The following GPR157 variants were observed in gnomAD, a reference collection of about 807,000 sequenced individuals.
GPR157 encodes G protein-coupled receptor 157, also known as G-protein coupled receptor 157.
GPR157 carries 16 observed loss-of-function variants against 23.5 expected under a neutral mutation model. The ratio of observed to expected loss-of-function variants is 0.68; its 90% CI spans 0.46 to 1.04. The LOEUF is 1.04. Ranked by LOEUF, GPR157 falls within the 50% of genes least tolerant of loss-of-function variation. The probability of loss-of-function intolerance (pLI) is 0.00; values close to 1 mark genes in which losing one functional copy is unlikely to be tolerated. For missense variants in GPR157, 440 were observed against 460.7 expected, an observed-to-expected ratio of 0.96 and a Z score of 0.41; for synonymous variants, 200 against 221.5, an observed-to-expected ratio of 0.90 and a Z score of 0.86.
chr1:9,126,916 T>C (rs1638974083), intron 1 of GPR157, among the ~76,000 whole-genome samples: 1 of 151,120 alleles, frequency 6.6e-6, no homozygotes, highest in East Asian at 1.9e-4. Context: ...ATTTTTTTCT[T>C]TTTTTTTTGA....
At position 9,102,691 on chromosome 1, in the gene GPR157, G is replaced by A. The variant is rs1642581148; in HGVS notation, c.*1728C>T. 6.6e-6 allele frequency: 1 copy of A among 152,122 alleles called. No individual in the cohort carries two copies. 9.4% of individuals were successfully genotyped at this position (152,122 alleles called of 1,614,324 possible). On this transcript the variant is annotated 3_prime_UTR_variant, in exon 4 of 4. Transcript: ENST00000377411. The stretch of plus-strand genomic sequence containing the variant: ...TACTTTCTCTCACCAAGACCCTGGA[G>A]GTAGCATTTCCACTTCCATTCTTTG...
Position 9,104,615 on chromosome 1 carries a change from T to C in GPR157, c.812A>G (p.Gln271Arg). ...GAACATGATGCAGTTGGCACCTCCC[T>C]GAAACGTGTTCCCGATACCCTGTCG... is the stretch of plus-strand genomic sequence containing the variant. ...VVLHGIGNTF[Q>R]GGANCIMFVL... Residue 271 changes from glutamine (Q) to arginine (R), a missense_variant, in exon 4 of 4, where the codon CAG becomes CGG. Transcript: ENST00000377411. The C allele has an allele frequency of 6.2e-7, 1 of 1,607,572 alleles. No individual in the cohort carries two copies.
At position 9,118,512 on chromosome 1, in the gene GPR157, G is replaced by T. The variant is rs1638732943; in HGVS notation, c.384-7023C>A. Among the ~76,000 whole-genome samples, 1 of 152,162 alleles carries T rather than the reference G, an allele frequency of 6.6e-6. No individual in the cohort carries two copies. The highest frequency in any genetic ancestry group is 2.1e-4 in the South Asian group (1 of 4,822). ...TTCTCCCAGAGGTACCTGGGCCCCA[G>T]TTCCAACTTGTATTTGCCTAGAAAT... On this transcript the variant is annotated intron_variant, in intron 1 of 3. Coordinates refer to ENST00000377411, the MANE Select transcript of GPR157 (RefSeq NM_024980.5). The surrounding 1 kb of genome is among the most constrained non-coding windows in gnomAD (Gnocchi z 4.6).
chr1:9,107,960 C>T (rs1489848421), intron 2 of GPR157, among the ~76,000 whole-genome samples: 4 of 151,992 alleles, frequency 2.6e-5, no homozygotes, highest in Non-Finnish European at 5.9e-5. Context: ...GGTGTGGTGG[C>T]ACACACCTGT....
chr1:9,110,453 G>T (rs1638459423), intron 2 of GPR157, among the ~76,000 whole-genome samples: 1 of 152,220 alleles, frequency 6.6e-6, no homozygotes, highest in African/African-American at 2.4e-5. Flanking sequence ...AACCTGGGAG[G>T]CAGAGGTTGC....
At chr1:9,110,249 G>A (rs996432506) in intron 2 of GPR157, among the ~76,000 whole-genome samples, 4 of 152,220 alleles carry the variant, frequency 2.6e-5, no homozygotes, top group Admixed American at 6.5e-5. Context: ...GAGGCCGGGC[G>A]CGGTGGCTCA....
chr1:9,109,376 C>G (rs879568385), intron 2 of GPR157, among the ~76,000 whole-genome samples: 1 of 151,830 alleles, frequency 6.6e-6, no homozygotes, highest in Non-Finnish European at 1.5e-5. Context: ...AGTCACCATG[C>G]CCAGCCTTAA....
At chr1:9,114,100 A>C (rs982979761) in intron 1 of GPR157, among the ~76,000 whole-genome samples, 1 of 150,690 alleles carries the variant, frequency 6.6e-6, no homozygotes, top group East Asian at 2.0e-4. Flanking sequence ...AGGCCAAGAC[A>C]GGTGGACCAC....
Position 9,123,229 on chromosome 1 carries a change from TTTAAATATATA to T in GPR157, c.383+5405_383+5415del, listed in dbSNP as rs1228329645. Among the ~76,000 whole-genome samples, 150 of 117,706 alleles carry T rather than the reference TTTAAATATATA, an allele frequency of 1.3e-3. 1 individual carries two copies. The highest frequency in any genetic ancestry group is 2.1e-3 in the Non-Finnish European group (125 of 60,338). 77.2% of individuals were successfully genotyped at this position (117,706 alleles called of 152,430 possible). A position where few individuals can be genotyped will look rare whatever the true frequency, so the allele number is the denominator to read the frequency against. ...ATATATATATTTATTAAAATATATA[TTTAAATATATA>T]TTAATTTAAATATATATTTAAATAT... On this transcript the variant is annotated intron_variant, in intron 1 of 3. Coordinates refer to ENST00000377411, the MANE Select transcript of GPR157 (RefSeq NM_024980.5).
chr1:9,105,664 T>C lies in GPR157; in HGVS notation c.614A>G (p.Glu205Gly), dbSNP rs1638293990. ...HINRAHTALS[E>G]YRPILSQEHR... Reference sequence around the variant, plus strand: ...CTCCTGGGAGAGGATGGGCCGGTACTCAGAGAGTGCCGTGTGCTGTGTGGG... The same window carrying C: ...CTCCTGGGAGAGGATGGGCCGGTACCCAGAGAGTGCCGTGTGCTGTGTGGG... The change falls in exon 3 of 4, where the codon GAG becomes GGG. Residue 205 changes from glutamate to glycine, a missense_variant. Glu to Gly is a moderately conservative substitution (Grantham distance 98). Coordinates refer to ENST00000377411, the MANE Select transcript of GPR157 (RefSeq NM_024980.5). This position sits in a 1 kb window ranked among gnomAD's most constrained non-coding sequence, Gnocchi z 4.8. The C allele has an allele frequency of 6.2e-7, 1 of 1,610,764 alleles. No homozygotes were observed. Among genetic ancestry groups the C allele is most frequent in the Non-Finnish European group, 8.5e-7 (1 of 1,178,502 alleles).
chr1:9,105,342 G>T lies in GPR157; in HGVS notation c.792+144C>A. ...TCAAGGTCCTGTCTCAGGCAGAGAG[G>T]AAGGCACAGCACAGTGGGGCCGAGC... is the stretch of plus-strand genomic sequence containing the variant. On this transcript the variant is annotated intron_variant, in intron 3 of 3. Coordinates refer to ENST00000377411, the MANE Select transcript of GPR157 (RefSeq NM_024980.5). This position sits in a 1 kb window ranked among gnomAD's most constrained non-coding sequence, Gnocchi z 4.8. The T allele has an allele frequency of 1.4e-6, 1 of 692,762 alleles. No homozygotes were observed. Among genetic ancestry groups the T allele is most frequent in the Non-Finnish European group, 2.4e-6 (1 of 422,060 alleles). The allele number at this position is 692,762 out of a possible 1,614,324, so 42.9% of individuals were successfully genotyped here.
chr1:9,116,152 A>ATATATATATATAATTATATATATTATAT (rs1638630055), intron 1 of GPR157, among the ~76,000 whole-genome samples: 1 of 40,148 alleles, frequency 2.5e-5, no homozygotes, highest in African/African-American at 1.0e-4. Context: ...ATATTATATT[A>ATATATATATATAATTATATATATTATAT]TATATATATA....
intron 2 of GPR157, among the ~76,000 whole-genome samples, chr1:9,107,966 C>T (rs1638381805): frequency 6.6e-6 from 1 of 152,020 alleles, no homozygotes; most frequent in South Asian, 2.1e-4. Context: ...GTGGCACACA[C>T]CTGTAGTCCC....
At chr1:9,112,787 A>T (rs936385698) in intron 1 of GPR157, among the ~76,000 whole-genome samples, 1 of 152,154 alleles carries the variant, frequency 6.6e-6, no homozygotes, top group African/African-American at 2.4e-5. Flanking sequence ...TCCCACAGCC[A>T]GCCACACAGC....
rs994109553 is a variant in GPR157 at position 9,118,209 on chromosome 1, G to A, written c.384-6720C>T. ...GGTGGTGGAGAAGTGGTTAGATGCC[G>A]GAGGAATGGGCGGGGTCCTGCCCAG... On this transcript the variant is annotated intron_variant, in intron 1 of 3. Coordinates refer to ENST00000377411, the MANE Select transcript of GPR157 (RefSeq NM_024980.5). The surrounding 1 kb of genome is among the most constrained non-coding windows in gnomAD (Gnocchi z 4.6). 6.6e-6 allele frequency among the ~76,000 whole-genome samples: 1 copy of A among 152,200 alleles called. No homozygotes were observed. The highest frequency in any genetic ancestry group is 1.5e-5 in the Non-Finnish European group (1 of 68,034).
rs141210167 is a variant in GPR157, at chr1:9,121,263, T to A, written c.383+7382A>T. ...AGGAGAATCGCTTGAACCTGGGAGA[T>A]AGAGGCTGTACTGAGTAGAGATCAC... On this transcript the variant is annotated intron_variant, in intron 1 of 3. Transcript: ENST00000377411. Among the ~76,000 whole-genome samples, 230 of 151,106 alleles carry A rather than the reference T, an allele frequency of 1.5e-3. 4 individuals are homozygous for A. In the East Asian group the frequency reaches 0.039, roughly 25 times the overall value.
intron 2 of GPR157, among the ~76,000 whole-genome samples, chr1:9,110,965 C>T: frequency 6.6e-6 from 1 of 152,202 alleles, no homozygotes; most frequent in East Asian, 1.9e-4. Flanking sequence ...TGACCAAGGA[C>T]ACAGCAGCCC....
chr1:9,116,348 AATTATATATAAATTATATATATATATATT>A (rs1638676148), intron 1 of GPR157, among the ~76,000 whole-genome samples: 1 of 20,460 alleles, frequency 4.9e-5, no homozygotes, highest in African/African-American at 3.8e-4. Context: ...ATTTATATAT[AATTATATATAAATTATATATATATATATT>A]TTTTCACCAC....
At chr1:9,110,410 C>G (rs553815071) in intron 2 of GPR157, among the ~76,000 whole-genome samples, 34 of 152,326 alleles carry the variant, frequency 2.2e-4, no homozygotes, top group Admixed American at 7.8e-4. Context: ...ATAATCCCAG[C>G]TACTCGGGAG....
Sources: gnomAD v4.1 joint callset for allele counts (sites outside exome capture counted in the v4.1 genomes callset) on GRCh38, gnomAD v4.1.1 for gene constraint, Gnocchi (gnomAD v3.1) non-coding constraint, MANE v1.5 for transcripts, NCBI Gene and HGNC (gene_info 2026-07-23, HGNC 2026-07-21) for gene names.